DCC: variants seen among roughly 807,000 people sequenced by gnomAD.
DCC encodes netrin receptor DCC.
DCC carries 58 observed loss-of-function variants against 172.5 expected under a neutral mutation model. The observed-to-expected ratio is 0.34, with a 90% CI of 0.27 to 0.42. The LOEUF is 0.42. Among genes scored for constraint, DCC ranks in the 10% least tolerant of loss-of-function variants. DCC has a pLI of 1.00. For synonymous variants in DCC, 709 were observed against 644.5 expected (o/e 1.10, Z -1.52); for missense variants, 1,740 against 1,791.0 (o/e 0.97, Z 0.51).
Position 53,096,106 on chromosome 18 carries a change from G to A in DCC, c.1261+29940G>A, listed in dbSNP as rs137872937. The stretch of plus-strand genomic sequence containing the variant: ...ACCAGCGTGGCACATGTATACATAT[G>A]TAACTAACCAGCACATTATGCACAT... On this transcript the variant is annotated intron_variant, in intron 7 of 28. Coordinates refer to ENST00000442544, the MANE Select transcript of DCC (RefSeq NM_005215.4). Among the ~76,000 whole-genome samples the A allele has an allele frequency of 6.6e-5, 10 of 152,040 alleles. No homozygotes were observed. In the East Asian group the frequency reaches 1.5e-3, roughly 24 times the overall value.
chr18:52,398,680 C>T lies in DCC; in HGVS notation c.91+57802C>T, dbSNP rs146780312. ...AGGCCAAGCTGTGCACATACATACA[C>T]GTGCCATAAAACAGCAACTTTCACT... On this transcript the variant is annotated intron_variant, in intron 1 of 28. Transcript: ENST00000442544. Among the ~76,000 whole-genome samples, 282 of 152,084 alleles carry T rather than the reference C, an allele frequency of 1.9e-3. 1 individual carries two copies. The highest frequency in any genetic ancestry group is 5.8e-3 in the African/African-American group (241 of 41,530).
At chr18:53,296,522 C>T (rs1011819001) in intron 12 of DCC, among the ~76,000 whole-genome samples, 3 of 152,082 alleles carry the variant, frequency 2.0e-5, no homozygotes, top group East Asian at 1.9e-4. Context: ...ACACACTGAC[C>T]AGAAAGGTAA....
intron 12 of DCC, among the ~76,000 whole-genome samples, chr18:53,300,580 A>G (rs1299285490): frequency 1.3e-5 from 2 of 152,208 alleles, no homozygotes; most frequent in Non-Finnish European, 2.9e-5. Flanking sequence ...ATAAGGTATC[A>G]TTAAATAGAA....
intron 15 of DCC, among the ~76,000 whole-genome samples, chr18:53,349,643 C>G (rs2057765613): frequency 6.6e-6 from 1 of 152,190 alleles, no homozygotes; most frequent in South Asian, 2.1e-4. Context: ...ACAATCATAG[C>G]TGAAGGCAAG....
At chr18:52,773,522 T>TATC (rs1568093891) in intron 2 of DCC, among the ~76,000 whole-genome samples, 17 of 151,486 alleles carry the variant, frequency 1.1e-4, no homozygotes, top group African/African-American at 3.2e-4. Context: ...ATCTATCTAT[T>TATC]TATCTATCTA....
At chr18:52,406,075 G>T (rs1024517431) in intron 1 of DCC, among the ~76,000 whole-genome samples, 1 of 142,784 alleles carries the variant, frequency 7.0e-6, no homozygotes, top group African/African-American at 2.6e-5. Flanking sequence ...ATGGGGAAAG[G>T]ATTCCCTATT....
intron 6 of DCC, among the ~76,000 whole-genome samples, chr18:53,065,106 C>T (rs750087552): frequency 7.2e-5 from 11 of 151,930 alleles, no homozygotes; most frequent in Non-Finnish European, 1.5e-4. Context: ...CTGTCACACA[C>T]TTAACATTGA....
chr18:52,662,882 C>G (rs2035388832), intron 1 of DCC, among the ~76,000 whole-genome samples: 1 of 152,110 alleles, frequency 6.6e-6, no homozygotes, highest in African/African-American at 2.4e-5. Context: ...GTGGAAGTGA[C>G]AATGCAACTC....
At chr18:52,925,493 C>T (rs1314736054) in intron 5 of DCC, 123 bp downstream of exon 5, 6 of 948,006 alleles carry the variant, frequency 6.3e-6, no homozygotes, top group Non-Finnish European at 8.6e-6. Context: ...AGTCCCAATA[C>T]TCCACACATG....
In DCC at chr18:52,748,088, G is replaced by T. The variant is rs1163231029; in HGVS notation, c.92-3966G>T. Among the ~76,000 whole-genome samples, 4 of 152,292 alleles carry T rather than the reference G, an allele frequency of 2.6e-5. No homozygotes were observed. In the East Asian group the frequency reaches 7.8e-4, roughly 30 times the overall value. On this transcript the variant is annotated intron_variant, in intron 1 of 28. Transcript: ENST00000442544. Reference sequence around the variant, plus strand: ...CCATAGGCGTGCCAGGCATGGAGCGGTGAGGGGTGTGTGAGTGAGTGAGTG... The same window carrying T: ...CCATAGGCGTGCCAGGCATGGAGCGTTGAGGGGTGTGTGAGTGAGTGAGTG...
At chr18:52,788,858 G>C (rs536874769) in intron 2 of DCC, among the ~76,000 whole-genome samples, 46 of 152,086 alleles carry the variant, frequency 3.0e-4, no homozygotes, top group Non-Finnish European at 5.7e-4. Context: ...CCAAAAGGAG[G>C]GAGAGCCTAT....
intron 7 of DCC, among the ~76,000 whole-genome samples, chr18:53,097,018 A>AG (rs199993056): frequency 0.018 from 2,729 of 152,306 alleles, 36 homozygotes; most frequent in Middle Eastern, 0.027. Context: ...CAAAAAGTGG[A>AG]GGTGGACTTC....
chr18:53,264,520 A>G lies in DCC; in HGVS notation c.1912-41058A>G, dbSNP rs1307641131. Among the ~76,000 whole-genome samples the G allele has an allele frequency of 7.3e-5, 11 of 151,358 alleles. No individual in the cohort carries two copies. The East Asian group carries it at 1.7e-3, about 24-fold the overall frequency. ...AAGAAGAAGAAGAAGAAAGAAACAC[A>G]GTGGTACCTCCTAGGCAATCCCCAT... On this transcript the variant is annotated intron_variant, in intron 12 of 28. Transcript: ENST00000442544.
chr18:52,501,026 C>T (rs2144626616), intron 1 of DCC, among the ~76,000 whole-genome samples: 1 of 152,252 alleles, frequency 6.6e-6, no homozygotes, highest in African/African-American at 2.4e-5. Flanking sequence ...GTAGTATCCA[C>T]TGGTTATAAA....
intron 1 of DCC, among the ~76,000 whole-genome samples, chr18:52,656,615 A>G (rs1285901523): frequency 1.3e-5 from 2 of 152,180 alleles, no homozygotes; most frequent in East Asian, 1.9e-4. Flanking sequence ...ATCCCATGCT[A>G]CGCTCTAACT....
intron 5 of DCC, among the ~76,000 whole-genome samples, chr18:52,995,455 A>C (rs2041462566): frequency 6.7e-6 from 1 of 148,618 alleles, no homozygotes; most frequent in Non-Finnish European, 1.5e-5. Flanking sequence ...AATATTTACT[A>C]TTGCTTGATT....
chr18:52,860,874 C>T (rs1474806547), intron 2 of DCC, among the ~76,000 whole-genome samples: 3 of 151,958 alleles, frequency 2.0e-5, no homozygotes, highest in Non-Finnish European at 2.9e-5. Flanking sequence ...GGTGTGGTGA[C>T]ATGTGCCTGT....
At chr18:52,518,470 T>C (rs1264615011) in intron 1 of DCC, among the ~76,000 whole-genome samples, 1 of 152,224 alleles carries the variant, frequency 6.6e-6, no homozygotes, top group African/African-American at 2.4e-5. Context: ...TAGGATAAAG[T>C]GTAAATTACT....
chr18:52,654,230 A>G (rs1012006294), intron 1 of DCC, among the ~76,000 whole-genome samples: 2 of 152,306 alleles, frequency 1.3e-5, no homozygotes, highest in African/African-American at 2.4e-5. Flanking sequence ...TGGAGAAAAT[A>G]TCTAATTGCA....
Sources: allele counts gnomAD v4.1 joint callset (sites outside exome capture counted in the v4.1 genomes callset), GRCh38; gene constraint gnomAD v4.1.1; transcripts MANE v1.5; gene names NCBI Gene and HGNC (gene_info 2026-07-23, HGNC 2026-07-21).